Variants in DMRT1 observed in about 807,000 individuals in gnomAD.
DMRT1 encodes the protein doublesex- and mab-3-related transcription factor 1.
A neutral mutation model predicts 32.3 loss-of-function variants in DMRT1; 7 were observed. The observed-to-expected ratio is 0.22, with a 90% CI of 0.12 to 0.41. The LOEUF (loss-of-function observed/expected upper bound fraction) is 0.41. DMRT1 is among the 10% of genes least tolerant of loss of function. DMRT1 has a pLI of 1.00. For synonymous variants in DMRT1, 278 were observed against 206.1 expected (o/e 1.35, Z -2.99); for missense variants, 625 against 500.5 (o/e 1.25, Z -2.37).
intron 4 of DMRT1, among the ~76,000 whole-genome samples, chr9:932,206 AT>A (rs2129864750): frequency 6.6e-6 from 1 of 152,230 alleles, no homozygotes; most frequent in East Asian, 1.9e-4. Flanking sequence ...ATTTCAGAAA[AT>A]TTCTAATCCA....
At chr9:938,803 G>A (rs745737646) in intron 4 of DMRT1, among the ~76,000 whole-genome samples, 6 of 152,312 alleles carry the variant, frequency 3.9e-5, no homozygotes, top group South Asian at 2.1e-4. Context: ...AGTGGGCATC[G>A]TTGTTTGGTT....
chr9:868,138 C>T (rs1411779261), intron 2 of DMRT1, among the ~76,000 whole-genome samples: 3 of 152,170 alleles, frequency 2.0e-5, no homozygotes, highest in African/African-American at 7.2e-5. Flanking sequence ...CCACCATGCC[C>T]GGCTAAGTTT....
intron 2 of DMRT1, among the ~76,000 whole-genome samples, chr9:869,717 A>T (rs1041865491): frequency 6.6e-6 from 1 of 151,766 alleles, no homozygotes; most frequent in Non-Finnish European, 1.5e-5. Flanking sequence ...GGCTTTTTCA[A>T]TCCCCGAGAA....
At chr9:926,742 A>T (rs180771915) in intron 4 of DMRT1, among the ~76,000 whole-genome samples, 1 of 152,104 alleles carries the variant, frequency 6.6e-6, no homozygotes, top group African/African-American at 2.4e-5. Flanking sequence ...ACAGTTTAGG[A>T]ATGCCTAAAT....
At chr9:859,100 C>A (rs962888483) in intron 2 of DMRT1, among the ~76,000 whole-genome samples, 13 of 152,020 alleles carry the variant, frequency 8.6e-5, no homozygotes, top group African/African-American at 3.1e-4. Flanking sequence ...CTTGAAAGTT[C>A]CCTGGCTTCT....
At chr9:864,608 C>T (rs926297646) in intron 2 of DMRT1, among the ~76,000 whole-genome samples, 1 of 151,566 alleles carries the variant, frequency 6.6e-6, no homozygotes, top group African/African-American at 2.4e-5. Flanking sequence ...ATGCCATTCT[C>T]CTTCCTCAGC....
chr9:871,216 CGG>C (rs1816235087), intron 2 of DMRT1, among the ~76,000 whole-genome samples: 1 of 144,054 alleles, frequency 6.9e-6, no homozygotes, highest in Admixed American at 7.0e-5. Context: ...TTTGTAGAGA[CGG>C]GGTTTTGCCA....
intron 4 of DMRT1, among the ~76,000 whole-genome samples, chr9:938,436 G>A (rs1196615718): frequency 6.6e-6 from 1 of 151,982 alleles, no homozygotes; most frequent in Non-Finnish European, 1.5e-5. Flanking sequence ...ATTTATTTAG[G>A]TATTTAATAC....
chr9:921,604 AC>A (rs1471264739), intron 4 of DMRT1, among the ~76,000 whole-genome samples: 4 of 152,168 alleles, frequency 2.6e-5, no homozygotes, highest in African/African-American at 9.7e-5. Flanking sequence ...TTATATTCTT[AC>A]CATAGTATAT....
intron 4 of DMRT1, among the ~76,000 whole-genome samples, chr9:963,771 T>C (rs1819848731): frequency 6.6e-6 from 1 of 152,248 alleles, no homozygotes; most frequent in African/African-American, 2.4e-5. Flanking sequence ...ACATTAAATA[T>C]ATGCTAAGTG....
chr9:945,214 C>G (rs890501381), intron 4 of DMRT1, among the ~76,000 whole-genome samples: 3 of 152,088 alleles, frequency 2.0e-5, no homozygotes, highest in Admixed American at 6.5e-5. Flanking sequence ...AGTCCAATGG[C>G]TCAATCTCAG....
chr9:859,247 G>T (rs1425340884), intron 2 of DMRT1, among the ~76,000 whole-genome samples: 1 of 152,112 alleles, frequency 6.6e-6, no homozygotes, highest in Non-Finnish European at 1.5e-5. Flanking sequence ...TCTAACCTGT[G>T]CCTCTTGGGT....
intron 2 of DMRT1, among the ~76,000 whole-genome samples, chr9:856,758 G>C (rs1284461249): frequency 2.0e-5 from 3 of 152,182 alleles, no homozygotes; most frequent in Admixed American, 2.0e-4. Flanking sequence ...ATACCAAGTA[G>C]TGGTGTTACT....
At chr9:952,214 C>T (rs772441122) in intron 4 of DMRT1, among the ~76,000 whole-genome samples, 3 of 152,198 alleles carry the variant, frequency 2.0e-5, no homozygotes, top group Non-Finnish European at 4.4e-5. Flanking sequence ...GGGCACAGAG[C>T]AGATGCTCAG....
intron 2 of DMRT1, among the ~76,000 whole-genome samples, chr9:870,487 C>G (rs1228331592): frequency 2.0e-5 from 3 of 152,138 alleles, no homozygotes; most frequent in Non-Finnish European, 4.4e-5. Context: ...CGTCCCGTGA[C>G]AGCATCCGTC....
At chr9:928,708 C>G (rs760352778) in intron 4 of DMRT1, among the ~76,000 whole-genome samples, 1 of 151,850 alleles carries the variant, frequency 6.6e-6, no homozygotes, top group Non-Finnish European at 1.5e-5. Context: ...ATTAAGATTT[C>G]GAGATAAAAT....
rs185063735 is a variant in DMRT1, at chr9:969,025, T to C, written c.*886T>C. 1 of 152,762 alleles carries C rather than the reference T, an allele frequency of 6.5e-6. No individual in the cohort carries two copies. Among genetic ancestry groups the C allele is most frequent in the Admixed American group, 6.5e-5 (1 of 15,296 alleles). 9.5% of individuals were successfully genotyped at this position (152,762 alleles called of 1,614,324 possible). On this transcript the variant is annotated 3_prime_UTR_variant, in exon 5 of 5. Coordinates refer to ENST00000382276, the MANE Select transcript of DMRT1 (RefSeq NM_021951.3). ...AAGCCATCCTGAAATGAAACTAGTC[T>C]AAAAAAATTCATTGTTCTACTTAGT...
chr9:864,729 T>A (rs1430711182), intron 2 of DMRT1, among the ~76,000 whole-genome samples: 1 of 149,914 alleles, frequency 6.7e-6, no homozygotes, highest in Non-Finnish European at 1.5e-5. Flanking sequence ...CTCCATCTCC[T>A]AACCTTGCGA....
chr9:871,312 C>A (rs545113579), intron 2 of DMRT1, among the ~76,000 whole-genome samples: 1 of 151,502 alleles, frequency 6.6e-6, no homozygotes, highest in Admixed American at 6.6e-5. Context: ...CAGGCATGAA[C>A]CGGTAGCCCG....
Sources: gnomAD v4.1 joint callset for allele counts (sites outside exome capture counted in the v4.1 genomes callset) on GRCh38, gnomAD v4.1.1 for gene constraint, MANE v1.5 for transcripts, NCBI Gene and HGNC (gene_info 2026-07-23, HGNC 2026-07-21) for gene names.